LNP1: variants seen among roughly 807,000 people sequenced by gnomAD.
The protein encoded by LNP1 is leukemia NUP98 fusion partner 1.
Under a neutral mutation model 14.5 loss-of-function variants are expected in LNP1, and 12 were observed. The ratio of observed to expected loss-of-function variants is 0.83; its 90% CI spans 0.53 to 1.34. The LOEUF is 1.34. Among genes scored for constraint, LNP1 ranks in the 40% most tolerant of loss-of-function variants. The probability of loss-of-function intolerance (pLI) is 0.00; values close to 1 mark genes in which losing one functional copy is unlikely to be tolerated. For synonymous variants in LNP1, 75 were observed against 71.4 expected, an observed-to-expected ratio of 1.05 and a Z score of -0.26; for missense variants, 198 against 210.9, an observed-to-expected ratio of 0.94 and a Z score of 0.38.
intron 1 of LNP1, among the ~76,000 whole-genome samples, chr3:100,409,540 CTCTA>C (rs1707006250): frequency 6.9e-6 from 1 of 145,840 alleles, no homozygotes; most frequent in Non-Finnish European, 1.5e-5. Flanking sequence ...CTCTCTCTCT[CTCTA>C]TATATATATA....
chr3:100,414,053 G>C (rs894205), intron 1 of LNP1, among the ~76,000 whole-genome samples: 27,017 of 152,056 alleles, frequency 0.18, 2,830 homozygotes, highest in Non-Finnish European at 0.24. Context: ...AATAGTTTCT[G>C]TAACTATGTT....
At chr3:100,417,217 C>T (rs1707093029) in intron 1 of LNP1, among the ~76,000 whole-genome samples, 1 of 151,958 alleles carries the variant, frequency 6.6e-6, no homozygotes, top group Non-Finnish European at 1.5e-5. Context: ...TCTATTACCT[C>T]CCTCTCCCTA....
chr3:100,455,700 G>T (rs1260670862), intron 3 of LNP1, 77 bp from the exon 4 acceptor site: 4 of 1,397,884 alleles, frequency 2.9e-6, no homozygotes, highest in Non-Finnish European at 4.0e-6. Context: ...CTTTCTCCAT[G>T]TCTGATTATT....
intron 1 of LNP1, among the ~76,000 whole-genome samples, chr3:100,419,839 G>A (rs531230631): frequency 6.6e-6 from 1 of 152,236 alleles, no homozygotes; most frequent in Non-Finnish European, 1.5e-5. Flanking sequence ...GTACATTCAT[G>A]TGCAGGCTCT....
In LNP1 at chr3:100,455,990, TCACCA is replaced by T; in HGVS notation, c.*65_*69del. On this transcript the variant is annotated 3_prime_UTR_variant, in exon 4 of 4. Coordinates refer to ENST00000383693, the MANE Select transcript of LNP1 (RefSeq NM_001085451.2). ...TTGGTTTTTTTCTTTGAGCCCCAAT[TCACCA>T]TTTCAGGATGTGGATGGGGGCGGGG... 1.3e-6 allele frequency: 2 copies of T among 1,534,052 alleles called. No homozygotes were observed. The highest frequency in any genetic ancestry group is 2.5e-5 in the South Asian group (2 of 78,948).
chr3:100,427,136 G>A (rs1203405389), intron 1 of LNP1, among the ~76,000 whole-genome samples: 4 of 151,910 alleles, frequency 2.6e-5, no homozygotes, highest in Non-Finnish European at 5.9e-5. Context: ...TTTATCTAAA[G>A]CCTTGTTCTA....
intron 1 of LNP1, among the ~76,000 whole-genome samples, chr3:100,409,557 T>TACACACAC (rs35651277): frequency 1.6e-4 from 20 of 126,360 alleles, no homozygotes; most frequent in East Asian, 4.5e-4. Flanking sequence ...TATATATACA[T>TACACACAC]ACACACACAC....
chr3:100,415,479 G>T (rs1353459005), intron 1 of LNP1, among the ~76,000 whole-genome samples: 1 of 152,170 alleles, frequency 6.6e-6, no homozygotes, highest in Non-Finnish European at 1.5e-5. Flanking sequence ...TTTAAATCCA[G>T]CAGTACCAGT....
At chr3:100,455,065 C>T (rs1287882506) in intron 3 of LNP1, among the ~76,000 whole-genome samples, 1 of 152,140 alleles carries the variant, frequency 6.6e-6, no homozygotes, top group Non-Finnish European at 1.5e-5. Flanking sequence ...AGAAGCAACC[C>T]CCCCACCCTC....
At chr3:100,415,121 T>C (rs1328887252) in intron 1 of LNP1, among the ~76,000 whole-genome samples, 1 of 152,226 alleles carries the variant, frequency 6.6e-6, no homozygotes, top group Non-Finnish European at 1.5e-5. Flanking sequence ...GGGTAAAGGA[T>C]AAGCTTGTGA....
intron 1 of LNP1, among the ~76,000 whole-genome samples, chr3:100,410,408 A>T (rs1158619231): frequency 6.6e-6 from 1 of 152,202 alleles, no homozygotes; most frequent in Non-Finnish European, 1.5e-5. Context: ...CTTTATTATA[A>T]AGTAGCAAAG....
At chr3:100,424,189 T>G (rs1383221692) in intron 1 of LNP1, among the ~76,000 whole-genome samples, 2 of 152,186 alleles carry the variant, frequency 1.3e-5, no homozygotes, top group African/African-American at 2.4e-5. Context: ...ATTTACATCT[T>G]GTTGTTTTGG....
rs565678222 is a variant in LNP1 at position 100,436,149 on chromosome 3, A to C, written c.156+6264A>C. Among the ~76,000 whole-genome samples, 12 of 152,212 alleles carry C rather than the reference A, an allele frequency of 7.9e-5. 1 individual carries two copies. The South Asian group carries it at 2.5e-3, about 32-fold the overall frequency. ...CCTTGTGGCGGTCAGAATATAGTTT[A>C]TTCTTTAAGTGTAGGGGTGCACAAC... On this transcript the variant is annotated intron_variant, in intron 2 of 3. Transcript: ENST00000383693.
At chr3:100,417,371 C>CTTTTTTTTTTTTTTTTTTTTTTTTTTTTT (rs562000656) in intron 1 of LNP1, among the ~76,000 whole-genome samples, 4 of 64,628 alleles carry the variant, frequency 6.2e-5, no homozygotes, top group African/African-American at 1.7e-4. Flanking sequence ...TTTCTTTTTT[C>CTTTTTTTTTTTTTTTTTTTTTTTTTTTTT]TTTTTTTTTT....
chr3:100,429,267 C>G (rs1253117373), intron 1 of LNP1, among the ~76,000 whole-genome samples: 1 of 152,142 alleles, frequency 6.6e-6, no homozygotes, highest in Non-Finnish European at 1.5e-5. Context: ...TGTGGTCAGT[C>G]TGTTCCTTGT....
chr3:100,452,135 T>G (rs947205026), intron 3 of LNP1, among the ~76,000 whole-genome samples, 186 bp downstream of exon 3: 1 of 152,088 alleles, frequency 6.6e-6, no homozygotes, highest in Non-Finnish European at 1.5e-5. Context: ...TATTTATAAT[T>G]GAAGACATCT....
chr3:100,455,981 A>T lies in LNP1; in HGVS notation c.*55A>T. On this transcript the variant is annotated 3_prime_UTR_variant, in exon 4 of 4. Transcript: ENST00000383693. ...GCTACTGTTTTGGTTTTTTTCTTTG[A>T]GCCCCAATTCACCATTTCAGGATGT... 6.4e-7 allele frequency: 1 copy of T among 1,551,858 alleles called. No individual in the cohort carries two copies. The highest frequency in any genetic ancestry group is 8.7e-7 in the Non-Finnish European group (1 of 1,149,882).
intron 1 of LNP1, among the ~76,000 whole-genome samples, chr3:100,425,982 C>A (rs2148902580): frequency 6.6e-6 from 1 of 152,272 alleles, no homozygotes; most frequent in East Asian, 1.9e-4. Flanking sequence ...AATACTCTGG[C>A]AAGCTGAACA....
intron 1 of LNP1, among the ~76,000 whole-genome samples, chr3:100,419,685 GTTAT>G (rs1375022410): frequency 6.6e-6 from 1 of 151,964 alleles, no homozygotes; most frequent in Non-Finnish European, 1.5e-5. Context: ...CTATGATTGT[GTTAT>G]TTAAAGAATG....
Sources: gnomAD v4.1 joint callset for allele counts (sites outside exome capture counted in the v4.1 genomes callset) on GRCh38, gnomAD v4.1.1 for gene constraint, MANE v1.5 for transcripts, NCBI Gene and HGNC (gene_info 2026-07-23, HGNC 2026-07-21) for gene names.